Variants in FAM151B observed in about 807,000 individuals in gnomAD.
The protein encoded by FAM151B is protein FAM151B.
Under a neutral mutation model 31.2 loss-of-function variants are expected in FAM151B, and 24 were observed. The observed-to-expected ratio is 0.77, with a 90% CI of 0.56 to 1.08. The LOEUF (loss-of-function observed/expected upper bound fraction) is 1.08. Ranked by LOEUF, FAM151B falls within the 50% of genes least tolerant of loss-of-function variation. The probability of loss-of-function intolerance (pLI) is 0.00; values close to 1 mark genes in which losing one functional copy is unlikely to be tolerated. For synonymous variants in FAM151B, 105 were observed against 111.4 expected (o/e 0.94, Z 0.36); for missense variants, 293 against 328.6 (o/e 0.89, Z 0.84).
intron 1 of FAM151B, chr5:80,500,903 A>G (rs563325970): frequency 6.4e-6 from 5 of 784,980 alleles, no homozygotes; most frequent in African/African-American, 3.4e-5. Flanking sequence ...GATCTGATTC[A>G]TGAGATCTAT....
At chr5:80,528,226 A>C (rs955356956) in intron 5 of FAM151B, among the ~76,000 whole-genome samples, 1 of 152,162 alleles carries the variant, frequency 6.6e-6, no homozygotes, top group African/African-American at 2.4e-5. Flanking sequence ...CACAAAAAGT[A>C]ACAAGCAAGA....
intron 2 of FAM151B, chr5:80,506,058 G>T (rs1743947356): frequency 1.3e-5 from 13 of 985,964 alleles, no homozygotes; most frequent in Non-Finnish European, 1.6e-5. Flanking sequence ...GCCCGGCCAA[G>T]AACTTTACTT....
In FAM151B at chr5:80,519,924, T is replaced by C; in HGVS notation, c.535+14T>C. ...AAGTCAATGAAGGTAATAATTCTAATAATGTATTTCTTGGTCAAATTAAAA... is the reference window on the plus strand; with the variant it reads ...AAGTCAATGAAGGTAATAATTCTAACAATGTATTTCTTGGTCAAATTAAAA... On this transcript the variant is annotated intron_variant, in intron 4 of 5. Coordinates refer to ENST00000282226, the MANE Select transcript of FAM151B (RefSeq NM_205548.3). 1 of 1,605,312 alleles carries C rather than the reference T, an allele frequency of 6.2e-7. No individual in the cohort carries two copies. The highest frequency in any genetic ancestry group is 8.5e-7 in the Non-Finnish European group (1 of 1,172,658).
chr5:80,532,217 T>C (rs185251674), intron 5 of FAM151B, among the ~76,000 whole-genome samples: 3 of 88,834 alleles, frequency 3.4e-5, no homozygotes, highest in Non-Finnish European at 6.2e-5. Flanking sequence ...CGGGGCCTGT[T>C]GTGGGGTGGG....
At chr5:80,538,448 CTCTTTCTTTCTT>C (rs776089650) in intron 5 of FAM151B, among the ~76,000 whole-genome samples, 4,117 of 48,524 alleles carry the variant, frequency 0.085, 322 homozygotes, top group Non-Finnish European at 0.098. Flanking sequence ...TTCTTTCTTT[CTCTTTCTTTCTT>C]TCTTTCTTTC....
chr5:80,510,089 T>C lies in FAM151B; in HGVS notation c.152-3515T>C, dbSNP rs539879546. The stretch of plus-strand genomic sequence containing the variant: ...TCCACTTCCAGCTACCTATTGCTTT[T>C]TATCTATTGCTGTGTAATAGAATAC... On this transcript the variant is annotated intron_variant, in intron 2 of 5. Transcript: ENST00000282226. 1.2e-4 allele frequency among the ~76,000 whole-genome samples: 18 copies of C among 152,322 alleles called. No individual in the cohort carries two copies. In the Middle Eastern group the frequency reaches 0.01, roughly 86 times the overall value.
chr5:80,505,067 C>CCAAA (rs1023559058), intron 2 of FAM151B, among the ~76,000 whole-genome samples: 12 of 152,220 alleles, frequency 7.9e-5, no homozygotes, highest in African/African-American at 2.9e-4. Context: ...AGAATTCCAC[C>CCAAA]TTTGGCAGAG....
At chr5:80,532,207 C>T (rs568782216) in intron 5 of FAM151B, among the ~76,000 whole-genome samples, 12 of 108,044 alleles carry the variant, frequency 1.1e-4, no homozygotes, top group East Asian at 1.1e-3. Context: ...CATCCCACAC[C>T]GGGGCCTGTT....
rs1349493918 is a variant in FAM151B, at chr5:80,538,466, CTT to C, written c.672-3205_672-3204del. 4.8e-4 allele frequency among the ~76,000 whole-genome samples: 58 copies of C among 121,296 alleles called. 1 individual carries two copies. Among genetic ancestry groups the C allele is most frequent in the Middle Eastern group, 4.0e-3 (1 of 248 alleles). 79.6% of individuals were successfully genotyped at this position (121,296 alleles called of 152,430 possible). A position where few individuals can be genotyped will look rare whatever the true frequency, so the allele number is the denominator to read the frequency against. On this transcript the variant is annotated intron_variant, in intron 5 of 5. Transcript: ENST00000282226. ...TTTCTTTCTCTTTCTTTCTTTCTTT[CTT>C]TCTTTCTTTCTTTCTTTCCTTCCTT... is the stretch of plus-strand genomic sequence containing the variant.
intron 5 of FAM151B, among the ~76,000 whole-genome samples, chr5:80,536,809 C>T (rs1482167506): frequency 6.6e-6 from 1 of 152,132 alleles, no homozygotes; most frequent in Non-Finnish European, 1.5e-5. Context: ...GAAAGATAAA[C>T]ATCTCATGTT....
At chr5:80,513,538 A>G (rs1375017278) in intron 2 of FAM151B, 66 bp from the exon 3 acceptor site, 7 of 1,448,836 alleles carry the variant, frequency 4.8e-6, no homozygotes, top group Non-Finnish European at 5.6e-6. Flanking sequence ...GATACTGAAC[A>G]TGGTGCCTCC....
intron 1 of FAM151B, among the ~76,000 whole-genome samples, chr5:80,494,447 C>CTTTCTTTCTTTCT (rs1417904669): frequency 4.2e-5 from 2 of 47,728 alleles, no homozygotes; most frequent in Non-Finnish European, 1.2e-4. Flanking sequence ...CTTTCTTTTT[C>CTTTCTTTCTTTCT]TTTCTTTCTT....
chr5:80,521,003 G>C (rs887193454), intron 4 of FAM151B, among the ~76,000 whole-genome samples: 2 of 149,564 alleles, frequency 1.3e-5, no homozygotes, highest in Non-Finnish European at 3.0e-5. Context: ...TTTTAGTAGA[G>C]ATGGGGTTTC....
At chr5:80,504,270 T>A (rs1190583893) in intron 2 of FAM151B, among the ~76,000 whole-genome samples, 1 of 152,156 alleles carries the variant, frequency 6.6e-6, no homozygotes, top group Non-Finnish European at 1.5e-5. Context: ...TAATATCCAA[T>A]CATTATGATT....
At chr5:80,492,373 T>G (rs1023854489) in intron 1 of FAM151B, among the ~76,000 whole-genome samples, 3 of 152,198 alleles carry the variant, frequency 2.0e-5, no homozygotes, top group Admixed American at 2.0e-4. Context: ...ATAATAATTG[T>G]TTTGGGGCAC....
chr5:80,521,601 G>A (rs1744724721), intron 4 of FAM151B, among the ~76,000 whole-genome samples: 1 of 151,954 alleles, frequency 6.6e-6, no homozygotes, highest in African/African-American at 2.4e-5. Flanking sequence ...AACCTTTCTT[G>A]GAAAAGAAAA....
intron 5 of FAM151B, among the ~76,000 whole-genome samples, chr5:80,525,822 C>G (rs1744930893): frequency 6.6e-6 from 1 of 151,966 alleles, no homozygotes; most frequent in Admixed American, 6.6e-5. Flanking sequence ...AAAACTACTT[C>G]TCCAGAAAGT....
chr5:80,495,056 C>T (rs1007034088), intron 1 of FAM151B: 6 of 152,094 alleles, frequency 3.9e-5, no homozygotes, highest in South Asian at 2.1e-4. Context: ...GCTCTAGAAA[C>T]GTAACAACAA....
intron 5 of FAM151B, among the ~76,000 whole-genome samples, chr5:80,541,462 G>A (rs974224313): frequency 1.3e-5 from 2 of 152,132 alleles, no homozygotes; most frequent in Non-Finnish European, 2.9e-5. Flanking sequence ...CAGTTATGTC[G>A]TTTAGACAAC....
Sources: gnomAD v4.1 joint callset for allele counts (sites outside exome capture counted in the v4.1 genomes callset) on GRCh38, gnomAD v4.1.1 for gene constraint, MANE v1.5 for transcripts, NCBI Gene and HGNC (gene_info 2026-07-23, HGNC 2026-07-21) for gene names.